JADE2: variants seen among roughly 807,000 people sequenced by gnomAD.
JADE2 encodes the protein E3 ubiquitin-protein ligase Jade-2.
Under a neutral mutation model 85.7 loss-of-function variants are expected in JADE2, and 13 were observed. The observed-to-expected ratio is 0.15, with a 90% CI of 0.10 to 0.24. The LOEUF (loss-of-function observed/expected upper bound fraction) is 0.24, where lower values mean the gene tolerates loss of function less well. Ranked by LOEUF, JADE2 falls within the 10% of genes least tolerant of loss-of-function variation. JADE2 has a pLI of 1.00. For synonymous variants in JADE2, 440 were observed against 456.1 expected, an observed-to-expected ratio of 0.96 and a Z score of 0.45; for missense variants, 846 against 1,115.9, an observed-to-expected ratio of 0.76 and a Z score of 3.45.
At chr5:134,532,850 C>A (rs777213624) in intron 1 of JADE2, among the ~76,000 whole-genome samples, 8 of 152,198 alleles carry the variant, frequency 5.3e-5, no homozygotes, top group Admixed American at 1.3e-4. Context: ...TGGGAGCTCG[C>A]TGGAGCAAGG....
rs770448736 is a variant in JADE2, at chr5:134,573,720, T to C, written c.1510T>C (p.Phe504Leu). 6 of 1,613,578 alleles carry C rather than the reference T, an allele frequency of 3.7e-6. No individual in the cohort carries two copies. The African/African-American group carries it at 6.7e-5, about 18-fold the overall frequency. The change falls in exon 10 of 12, where the codon TTC becomes CTC. Residue 504 changes from phenylalanine to leucine, a missense_variant. Physicochemically the swap from Phe to Leu is conservative, Grantham distance 22. Transcript: ENST00000681547. ...HAICKLQEQI[F>L]HLQMKLIEQD... ...CATCTGCAAACTCCAGGAGCAGATATTCCACCTGCAGATGAAACTTATTGA... is the reference window on the plus strand; with the variant it reads ...CATCTGCAAACTCCAGGAGCAGATACTCCACCTGCAGATGAAACTTATTGA...
rs1174546534 is a variant in JADE2, at chr5:134,525,751, C to G, written c.-261C>G. Reference sequence around the variant, plus strand: ...GCTATTTTTTGGGGGGGGTGAGTAGCGTCCATGGAGTTACTTTGCGCCCAC... The same window carrying G: ...GCTATTTTTTGGGGGGGGTGAGTAGGGTCCATGGAGTTACTTTGCGCCCAC... On this transcript the variant is annotated 5_prime_UTR_variant, in exon 1 of 12. Transcript: ENST00000681547. 3.3e-6 allele frequency: 4 copies of G among 1,220,352 alleles called. No homozygotes were observed. The East Asian group carries it at 3.1e-4, about 94-fold the overall frequency. The allele number at this position is 1,220,352 out of a possible 1,614,324, so 75.6% of individuals were successfully genotyped here.
intron 9 of JADE2, among the ~76,000 whole-genome samples, chr5:134,573,131 C>G (rs759574065): frequency 4.6e-5 from 7 of 152,236 alleles, no homozygotes; most frequent in Admixed American, 1.3e-4. Flanking sequence ...ATTTGTGGCT[C>G]AGGACAAGTG....
intron 3 of JADE2, among the ~76,000 whole-genome samples, chr5:134,542,225 C>T (rs909090987): frequency 6.6e-6 from 1 of 152,194 alleles, no homozygotes; most frequent in African/African-American, 2.4e-5. Flanking sequence ...CTGAGCCTGG[C>T]CTAGGGAGCT....
chr5:134,578,307 T>C lies in JADE2; in HGVS notation c.1682-187T>C, dbSNP rs1189055277. 1.3e-5 allele frequency among the ~76,000 whole-genome samples: 2 copies of C among 152,200 alleles called. No homozygotes were observed. Among genetic ancestry groups the C allele is most frequent in the Non-Finnish European group, 2.9e-5 (2 of 68,010 alleles). Reference sequence around the variant, plus strand: ...GCACGTCCTTCTGGAGAGAAGCGTATAAGTAGTCCCTACTCTTTGGTGGTG... The same window carrying C: ...GCACGTCCTTCTGGAGAGAAGCGTACAAGTAGTCCCTACTCTTTGGTGGTG... On this transcript the variant is annotated intron_variant, in intron 11 of 11. Coordinates refer to ENST00000681547, the MANE Select transcript of JADE2 (RefSeq NM_001388185.1). This position sits in a 1 kb window ranked among gnomAD's most constrained non-coding sequence, Gnocchi z 4.4.
chr5:134,581,809 C>T lies in JADE2; in HGVS notation c.*2492C>T, dbSNP rs1764725063. The T allele has an allele frequency of 6.6e-6, 1 of 152,454 alleles. No homozygotes were observed. Among genetic ancestry groups the T allele is most frequent in the Non-Finnish European group, 1.5e-5 (1 of 68,284 alleles). 9.4% of individuals were successfully genotyped at this position (152,454 alleles called of 1,614,324 possible). On this transcript the variant is annotated 3_prime_UTR_variant, in exon 12 of 12. Coordinates refer to ENST00000681547, the MANE Select transcript of JADE2 (RefSeq NM_001388185.1). ...GTGCCCTTTCACTCCCAGGCCAAGC[C>T]CTGGAGCAATCTTCTTCAGGCAGCT... is the stretch of plus-strand genomic sequence containing the variant.
upstream of JADE2, chr5:134,525,536 G>C: frequency 5.7e-6 from 2 of 353,280 alleles, no homozygotes; most frequent in Middle Eastern, 1.3e-3. Context: ...GTCGGGAGCG[G>C]AGATCCGAGT....
Position 134,559,877 on chromosome 5 carries a change from G to A in JADE2, c.359G>A (p.Ser120Asn), listed in dbSNP as rs1372737069. The change falls in exon 5 of 12, where the codon AGC (serine) becomes AAC (asparagine). Residue 120 changes from serine to asparagine, a missense_variant. By Grantham distance (46) the Ser-to-Asn change is conservative (BLOSUM62 1). Coordinates refer to ENST00000681547, the MANE Select transcript of JADE2 (RefSeq NM_001388185.1). Reference protein sequence around the residue: ...EGPPAQASPSSTMLGEGSQPD... With the variant: ...EGPPAQASPSNTMLGEGSQPD... ...CCCCCTGCCCAGGCATCCCCGAGCA[G>A]CACCATGCTTGGTGAGGGCTCCCAG... 38 of 1,613,952 alleles carry A rather than the reference G, an allele frequency of 2.4e-5. No individual in the cohort carries two copies. The highest frequency in any genetic ancestry group is 3.1e-5 in the Non-Finnish European group (37 of 1,179,898).
At chr5:134,537,550 T>G (rs558713176) in intron 2 of JADE2, among the ~76,000 whole-genome samples, 5 of 152,228 alleles carry the variant, frequency 3.3e-5, no homozygotes, top group Non-Finnish European at 7.3e-5. Flanking sequence ...GCTGATGACC[T>G]GGATCTGCTT....
chr5:134,565,324 T>A (rs570591021), intron 8 of JADE2, among the ~76,000 whole-genome samples: 1 of 152,296 alleles, frequency 6.6e-6, no homozygotes, highest in South Asian at 2.1e-4. Flanking sequence ...TCAGCAGTCA[T>A]AATAGTTGGG....
chr5:134,526,211 TG>T (rs2149837433), intron 1 of JADE2, 200 bp downstream of exon 1: 1 of 985,168 alleles, frequency 1.0e-6, no homozygotes, highest in African/African-American at 1.7e-5. Context: ...AGATTGCGCA[TG>T]TTGGTCAGTC....
intron 10 of JADE2, chr5:134,574,689 G>A (rs908083214): frequency 1.3e-5 from 2 of 152,342 alleles, no homozygotes; most frequent in African/African-American, 2.4e-5. Context: ...CCAAGTTCAG[G>A]TGCTAGTCAT....
At chr5:134,527,027 A>G (rs963091253) in intron 1 of JADE2, among the ~76,000 whole-genome samples, 1 of 152,100 alleles carries the variant, frequency 6.6e-6, no homozygotes, top group South Asian at 2.1e-4. Context: ...GCCCTGCACC[A>G]TGGGTGGTAC....
At chr5:134,561,565 C>T (rs1239736335) in intron 6 of JADE2, among the ~76,000 whole-genome samples, 1 of 152,178 alleles carries the variant, frequency 6.6e-6, no homozygotes, top group Non-Finnish European at 1.5e-5. Flanking sequence ...ATCTCTGGGC[C>T]TTGACTGCAG....
intron 1 of JADE2, among the ~76,000 whole-genome samples, chr5:134,529,915 G>T (rs1761121380): frequency 6.6e-6 from 1 of 152,246 alleles, no homozygotes; most frequent in Non-Finnish European, 1.5e-5. Flanking sequence ...GGGTGGGTGT[G>T]GCAGCGTCTT....
intron 9 of JADE2, among the ~76,000 whole-genome samples, chr5:134,572,962 G>T (rs1033234755): frequency 3.3e-5 from 5 of 152,252 alleles, no homozygotes; most frequent in African/African-American, 1.2e-4. Context: ...GAAGGTGGCT[G>T]TGTAGATGTG....
chr5:134,544,642 T>C (rs1199689410), intron 3 of JADE2: 1 of 164,952 alleles, frequency 6.1e-6, no homozygotes, highest in Non-Finnish European at 1.5e-5. Context: ...CTCTATAGGC[T>C]GTGGTGACAA....
intron 1 of JADE2, among the ~76,000 whole-genome samples, chr5:134,528,536 T>G (rs1365518949): frequency 6.6e-6 from 1 of 152,230 alleles, no homozygotes; most frequent in African/African-American, 2.4e-5. Flanking sequence ...ATTTGCTTTT[T>G]GGGTCACAGG....
At chr5:134,554,359 G>A (rs1762785373) in intron 4 of JADE2, among the ~76,000 whole-genome samples, 1 of 152,150 alleles carries the variant, frequency 6.6e-6, no homozygotes, top group Non-Finnish European at 1.5e-5. Context: ...ACACATACCA[G>A]TGCCTAGGGT....
Sources: gnomAD v4.1 joint callset for allele counts (sites outside exome capture counted in the v4.1 genomes callset) on GRCh38, gnomAD v4.1.1 for gene constraint, Gnocchi (gnomAD v3.1) non-coding constraint, MANE v1.5 for transcripts, NCBI Gene and HGNC (gene_info 2026-07-23, HGNC 2026-07-21) for gene names.